EXD2: variants seen among roughly 807,000 people sequenced by gnomAD.
EXD2 encodes the protein exonuclease 3'-5' domain containing 2, also known as exonuclease 3'-5' domain-containing protein 2.
EXD2 carries 40 observed loss-of-function variants against 62.5 expected under a neutral mutation model. That is an observed-to-expected ratio of 0.64 (90% CI 0.50 to 0.83). EXD2 has a LOEUF of 0.83. Ranked by LOEUF, EXD2 falls within the 40% of genes least tolerant of loss-of-function variation. EXD2 has a pLI of 0.00. For synonymous variants in EXD2, 239 were observed against 291.9 expected, an observed-to-expected ratio of 0.82 and a Z score of 1.85; for missense variants, 671 against 761.8, an observed-to-expected ratio of 0.88 and a Z score of 1.40.
rs1264597981 is a variant in EXD2 at position 69,243,641 on chromosome 14, C to G, written c.*2541C>G. The G allele has an allele frequency of 6.6e-6, 1 of 152,158 alleles. No homozygotes were observed. The highest frequency in any genetic ancestry group is 2.1e-4 in the South Asian group (1 of 4,828). The allele number at this position is 152,158 out of a possible 1,614,324, so 9.4% of individuals were successfully genotyped here. A position where few individuals can be genotyped will look rare whatever the true frequency, so the allele number is the denominator to read the frequency against. ...GTTTCTTGTATATATCTCTTTGGCT[C>G]TATCTTTGGTAATTTCTTAAGAATG... On this transcript the variant is annotated 3_prime_UTR_variant, in exon 10 of 10. Coordinates refer to ENST00000685843, the MANE Select transcript of EXD2 (RefSeq NM_001193360.2).
rs1017643933 is a variant in EXD2 at position 69,242,861 on chromosome 14, T to C, written c.*1761T>C. The C allele has an allele frequency of 5.9e-5, 9 of 152,364 alleles. No individual in the cohort carries two copies. The highest frequency in any genetic ancestry group is 1.9e-4 in the East Asian group (1 of 5,194). 9.4% of individuals were successfully genotyped at this position (152,364 alleles called of 1,614,324 possible). ...GTTACTGAACGTAACTCATGACTTA[T>C]GTTTCAAATTTTGCATAGCTGATTT... is the stretch of plus-strand genomic sequence containing the variant. On this transcript the variant is annotated 3_prime_UTR_variant, in exon 10 of 10. Transcript: ENST00000685843.
chr14:69,203,517 C>A lies in EXD2; in HGVS notation c.-131-400C>A, dbSNP rs558749584. Among the ~76,000 whole-genome samples, 28 of 152,324 alleles carry A rather than the reference C, an allele frequency of 1.8e-4. No individual in the cohort carries two copies. The South Asian group carries it at 5.6e-3, about 30-fold the overall frequency. ...AGGGGAGTCTCAGAGCTCTCTTCAC[C>A]TATTTAACAGGCTTTAAGGAGGGAG... On this transcript the variant is annotated intron_variant, in intron 1 of 9. Transcript: ENST00000685843.
At chr14:69,208,781 C>CCTTT (rs2042706682) in intron 2 of EXD2, 1 of 152,200 alleles carries the variant, frequency 6.6e-6, no homozygotes, top group Non-Finnish European at 1.5e-5. Context: ...CTTTTCTGAT[C>CCTTT]CTTTCTCTTT....
Position 69,236,414 on chromosome 14 carries a change from G to A in EXD2, c.1164G>A (p.Val388=). 6.2e-7 allele frequency: 1 copy of A among 1,614,168 alleles called. No homozygotes were observed. Among genetic ancestry groups the A allele is most frequent in the South Asian group, 1.1e-5 (1 of 91,080 alleles). The change falls in exon 8 of 10, where the codon GTG becomes GTA. Residue 388 remains valine (V), a synonymous_variant. Transcript: ENST00000685843. ...WYLDKGIGEL[V]SEEPFVVKLR... ...GATGTCTCTTCTCTTAAGAGCTGGT[G>A]AGTGAAGAGCCCTTTGTGGTGAAGC...
rs2044014722 is a variant in EXD2 at position 69,242,822 on chromosome 14, G to GA, written c.*1728dup. ...GATTTGTTTTTATATTCATTCTTGA[G>GA]AAAAAAGCAACTGGTTACTGAACGT... On this transcript the variant is annotated 3_prime_UTR_variant, in exon 10 of 10. Transcript: ENST00000685843. 1 of 152,082 alleles carries GA rather than the reference G, an allele frequency of 6.6e-6. No individual in the cohort carries two copies. The highest frequency in any genetic ancestry group is 1.5e-5 in the Non-Finnish European group (1 of 68,000). 9.4% of individuals were successfully genotyped at this position (152,082 alleles called of 1,614,324 possible). A position where few individuals can be genotyped will look rare whatever the true frequency, so the allele number is the denominator to read the frequency against.
chr14:69,210,074 CCTCT>C (rs1392071625), intron 3 of EXD2: 7 of 285,268 alleles, frequency 2.5e-5, no homozygotes, highest in African/African-American at 4.4e-5. Context: ...AGCTATTTAG[CCTCT>C]CTAAGTCTTT....
At chr14:69,233,741 G>A (rs2043671027) in intron 5 of EXD2, among the ~76,000 whole-genome samples, 1 of 146,520 alleles carries the variant, frequency 6.8e-6, no homozygotes. Flanking sequence ...ACACCCAGCC[G>A]AATTTTAGTT....
rs191684185 is a variant in EXD2, at chr14:69,226,140, A to G, written c.334-2676A>G. On this transcript the variant is annotated intron_variant, in intron 3 of 9. Transcript: ENST00000685843. ...TTATGTCAAATTAGCAGTACTAGCT[A>G]TTAGAAGTAGAGATTTATAGCTTTT... Among the ~76,000 whole-genome samples, 188 of 152,308 alleles carry G rather than the reference A, an allele frequency of 1.2e-3. 1 individual carries two copies. Among genetic ancestry groups the G allele is most frequent in the Non-Finnish European group, 1.7e-3 (119 of 68,014 alleles).
rs35108730 is a variant in EXD2, at chr14:69,240,428, C to T, written c.1650-456C>T. 3.9e-3 allele frequency among the ~76,000 whole-genome samples: 592 copies of T among 152,296 alleles called. 2 individuals carry two copies. The highest frequency in any genetic ancestry group is 6.9e-3 in the Non-Finnish European group (469 of 68,014). The stretch of plus-strand genomic sequence containing the variant: ...GGCTCTAAAGAAATATGCTACCTTG[C>T]ATTTGACATTCAGTTATTAAATTGT... On this transcript the variant is annotated intron_variant, in intron 9 of 9. Transcript: ENST00000685843.
intron 3 of EXD2, among the ~76,000 whole-genome samples, chr14:69,213,557 T>TTTTTTTC (rs3045585): frequency 6.9e-6 from 1 of 145,318 alleles, no homozygotes; most frequent in African/African-American, 2.6e-5. Context: ...TTTTTTTTTT[T>TTTTTTTC]GTAGAAATGG....
intron 3 of EXD2, among the ~76,000 whole-genome samples, chr14:69,220,263 T>G (rs1302901613): frequency 1.2e-5 from 1 of 84,004 alleles, no homozygotes; most frequent in Non-Finnish European, 2.4e-5. Flanking sequence ...GTTTTTTTTT[T>G]TTTTTTTTTT....
At chr14:69,237,551 G>A (rs773033981) in intron 8 of EXD2, 24 bp from the exon 9 acceptor site, 8 of 1,610,474 alleles carry the variant, frequency 5.0e-6, no homozygotes, top group Non-Finnish European at 5.9e-6. Context: ...TATGAGCGCT[G>A]CTTTCCGGCT....
rs2140031109 is a variant in EXD2 at position 69,234,902 on chromosome 14, A to G, written c.920A>G (p.Glu307Gly). 6.2e-7 allele frequency: 1 copy of G among 1,614,200 alleles called. No homozygotes were observed. Among genetic ancestry groups the G allele is most frequent in the African/African-American group, 1.3e-5 (1 of 75,042 alleles). The change falls in exon 6 of 10, where the codon GAA (glutamate) becomes GGA (glycine). Residue 307 changes from glutamate (E) to glycine (G), a missense_variant. Glu to Gly is a moderately conservative substitution (Grantham distance 98). Transcript: ENST00000685843. ...MSRLGEEVNGEATESQQKPRN... is the reference protein window; with the variant it reads ...MSRLGEEVNGGATESQQKPRN... ...AGATTGGGAGAAGAGGTTAATGGGGAAGCAACAGAATCTCAGCAGAAGCCA... is the reference window on the plus strand; with the variant it reads ...AGATTGGGAGAAGAGGTTAATGGGGGAGCAACAGAATCTCAGCAGAAGCCA...
intron 9 of EXD2, among the ~76,000 whole-genome samples, chr14:69,240,296 T>G (rs1251343892): frequency 6.6e-6 from 1 of 152,178 alleles, no homozygotes; most frequent in Non-Finnish European, 1.5e-5. Context: ...GGCATTCATC[T>G]TCTCATTTAA....
rs370113348 is a variant in EXD2, at chr14:69,231,236, C to T, written c.717+638C>T. 1.9e-4 allele frequency among the ~76,000 whole-genome samples: 29 copies of T among 152,276 alleles called. No individual in the cohort carries two copies. The South Asian group carries it at 6.0e-3, about 32-fold the overall frequency. The stretch of plus-strand genomic sequence containing the variant: ...AGTAGTTCCCTGCATTACCTTTCCC[C>T]ATTCCTAATCCTTCTTCCTTCTTCT... On this transcript the variant is annotated intron_variant, in intron 5 of 9. Coordinates refer to ENST00000685843, the MANE Select transcript of EXD2 (RefSeq NM_001193360.2).
intron 5 of EXD2, among the ~76,000 whole-genome samples, chr14:69,233,700 CAA>C (rs1267131572): frequency 3.3e-5 from 5 of 151,746 alleles, no homozygotes; most frequent in African/African-American, 1.2e-4. Flanking sequence ...CTCAGCCTCC[CAA>C]AGTGTTGGGA....
chr14:69,238,998 T>G (rs2043896824), intron 9 of EXD2, among the ~76,000 whole-genome samples: 1 of 152,178 alleles, frequency 6.6e-6, no homozygotes, highest in African/African-American at 2.4e-5. Context: ...CAATTCTATG[T>G]GTGGTTTTGT....
intron 1 of EXD2, among the ~76,000 whole-genome samples, chr14:69,193,553 C>T (rs1220558153): frequency 6.6e-6 from 1 of 152,012 alleles, no homozygotes; most frequent in Non-Finnish European, 1.5e-5. Flanking sequence ...TTGTCTTTTC[C>T]TTATTGATTT....
Position 69,209,525 on chromosome 14 carries a change from G to A in EXD2, c.55G>A (p.Val19Ile), listed in dbSNP as rs1397516406. 6.5e-6 allele frequency: 10 copies of A among 1,550,370 alleles called. No homozygotes were observed. Among genetic ancestry groups the A allele is most frequent in the Non-Finnish European group, 8.7e-6 (10 of 1,146,908 alleles). ...LTVTTLLGVA[V>I]GGFVLWKGIQ... The stretch of plus-strand genomic sequence containing the variant: ...AGTGACTACCCTTCTGGGTGTGGCT[G>A]TAGGGGGGTTTGTCCTCTGGAAAGG... Residue 19 changes from valine (V) to isoleucine (I), a missense_variant, in exon 3 of 10, where the codon GTA becomes ATA. Physicochemically the swap from Val to Ile is conservative, Grantham distance 29 (BLOSUM62 3). Coordinates refer to ENST00000685843, the MANE Select transcript of EXD2 (RefSeq NM_001193360.2).
Sources: gnomAD v4.1 joint callset for allele counts (sites outside exome capture counted in the v4.1 genomes callset) on GRCh38, gnomAD v4.1.1 for gene constraint, MANE v1.5 for transcripts, NCBI Gene and HGNC (gene_info 2026-07-23, HGNC 2026-07-21) for gene names.